The following IPCEF1 variants were observed in gnomAD, a reference collection of about 807,000 sequenced individuals.
IPCEF1 encodes interaction protein for cytohesin exchange factors 1, also known as interactor protein for cytohesin exchange factors 1.
A neutral mutation model predicts 50.9 loss-of-function variants in IPCEF1; 31 were observed. That is an observed-to-expected ratio of 0.61 (90% CI 0.46 to 0.82). The LOEUF (loss-of-function observed/expected upper bound fraction) is 0.82, where lower values mean the gene tolerates loss of function less well. Among genes scored for constraint, IPCEF1 ranks in the 40% least tolerant of loss-of-function variants. IPCEF1 has a pLI of 0.00. For synonymous variants in IPCEF1, 181 were observed against 192.0 expected (o/e 0.94, Z 0.47); for missense variants, 458 against 514.0 (o/e 0.89, Z 1.05).
chr6:154,342,095 G>A (rs998642053), intron 1 of IPCEF1, among the ~76,000 whole-genome samples: 3 of 152,072 alleles, frequency 2.0e-5, no homozygotes, highest in African/African-American at 2.4e-5. Context: ...GGCGTCTCCC[G>A]AGACTGCTCC....
chr6:154,341,223 T>C (rs1185157026), intron 1 of IPCEF1, among the ~76,000 whole-genome samples: 1 of 152,234 alleles, frequency 6.6e-6, no homozygotes, highest in East Asian at 1.9e-4. Flanking sequence ...AGTTTCCAGC[T>C]TGAGTTTTCC....
chr6:154,196,312 C>A (rs768121858), intron 10 of IPCEF1, among the ~76,000 whole-genome samples: 1 of 152,168 alleles, frequency 6.6e-6, no homozygotes, highest in Admixed American at 6.5e-5. Context: ...AGATTGTGTA[C>A]AATTTTGTTA....
At chr6:154,302,694 C>T (rs1367904512) in intron 1 of IPCEF1, among the ~76,000 whole-genome samples, 1 of 152,030 alleles carries the variant, frequency 6.6e-6, no homozygotes, top group African/African-American at 2.4e-5. Context: ...AGGCTGGTCT[C>T]GAACTCCTGA....
chr6:154,192,327 TGTGTGTGTG>T (rs1801971357), intron 10 of IPCEF1, among the ~76,000 whole-genome samples: 3 of 142,328 alleles, frequency 2.1e-5, no homozygotes, highest in Admixed American at 2.0e-4. Context: ...ACTGTGTGTG[TGTGTGTGTG>T]TGTGTGTGTG....
At chr6:154,178,966 C>A (rs973967731) in intron 10 of IPCEF1, among the ~76,000 whole-genome samples, 5 of 152,174 alleles carry the variant, frequency 3.3e-5, no homozygotes, top group Admixed American at 2.6e-4. Flanking sequence ...CCCTTATTGG[C>A]TGTTTTGTGT....
intron 1 of IPCEF1, among the ~76,000 whole-genome samples, chr6:154,318,201 G>T (rs1562286838): frequency 6.6e-6 from 1 of 152,096 alleles, no homozygotes; most frequent in South Asian, 2.1e-4. Context: ...AGGGTGGGGG[G>T]ATTGACCTTA....
intron 1 of IPCEF1, among the ~76,000 whole-genome samples, chr6:154,346,570 C>T (rs1220416247): frequency 2.6e-5 from 4 of 152,144 alleles, no homozygotes; most frequent in East Asian, 3.9e-4. Context: ...ACCTGAGACT[C>T]GGTAATTTAT....
chr6:154,334,725 G>A (rs1413363798), intron 1 of IPCEF1, among the ~76,000 whole-genome samples: 5 of 152,222 alleles, frequency 3.3e-5, no homozygotes, highest in South Asian at 4.1e-4. Context: ...GAATGGCCTT[G>A]GACAGGCCAC....
Position 154,281,353 on chromosome 6 carries a change from GA to G in IPCEF1, c.-18+8359del, listed in dbSNP as rs1302045290. Among the ~76,000 whole-genome samples the G allele has an allele frequency of 8.4e-3, 1,212 of 144,582 alleles. 20 individuals are homozygous for G. The highest frequency in any genetic ancestry group is 0.029 in the African/African-American group (1,126 of 39,426). The allele number at this position is 144,582 out of a possible 152,430, so 94.9% of individuals were successfully genotyped here. ...GGGTAACAGAGCAAGACCTCATCTC[GA>G]AAAAAAAAAAAATTTTTTTTAAAGT... On this transcript the variant is annotated intron_variant, in intron 2 of 11. Transcript: ENST00000367220.
intron 10 of IPCEF1, among the ~76,000 whole-genome samples, chr6:154,184,894 C>T (rs1311799635): frequency 6.6e-6 from 1 of 151,152 alleles, no homozygotes; most frequent in African/African-American, 2.4e-5. Context: ...CTCTTGCCTA[C>T]CCCTTTCAGA....
At chr6:154,331,219 G>A (rs1480597657) in intron 1 of IPCEF1, among the ~76,000 whole-genome samples, 4 of 151,592 alleles carry the variant, frequency 2.6e-5, no homozygotes, top group Non-Finnish European at 4.4e-5. Context: ...GTAAGCTGAG[G>A]GTCACACTGC....
At chr6:154,208,240 C>T (rs750815725) in intron 9 of IPCEF1, among the ~76,000 whole-genome samples, 9 of 152,138 alleles carry the variant, frequency 5.9e-5, no homozygotes, top group African/African-American at 1.2e-4. Flanking sequence ...GTTCACCCCG[C>T]GTCAGCCACA....
intron 5 of IPCEF1, among the ~76,000 whole-genome samples, chr6:154,237,908 A>G (rs1245446664): frequency 6.6e-6 from 1 of 152,194 alleles, no homozygotes; most frequent in African/African-American, 2.4e-5. Context: ...TATCAATTCA[A>G]TATATATCAA....
At chr6:154,350,840 C>G (rs915298017) in intron 1 of IPCEF1, among the ~76,000 whole-genome samples, 2 of 152,162 alleles carry the variant, frequency 1.3e-5, no homozygotes, top group Non-Finnish European at 1.5e-5. Flanking sequence ...TCTGCCTCAG[C>G]CTCCTGAGTA....
At chr6:154,342,048 C>A (rs1783929493) in intron 1 of IPCEF1, among the ~76,000 whole-genome samples, 1 of 152,148 alleles carries the variant, frequency 6.6e-6, no homozygotes, top group Non-Finnish European at 1.5e-5. Flanking sequence ...TACTGGCATG[C>A]ATTACCCAGA....
intron 1 of IPCEF1, among the ~76,000 whole-genome samples, chr6:154,309,926 G>A (rs926638367): frequency 1.3e-5 from 2 of 151,986 alleles, no homozygotes; most frequent in Non-Finnish European, 2.9e-5. Flanking sequence ...ACCACGCCTG[G>A]CTAATTTTTG....
At chr6:154,320,312 T>A (rs1191304265) in intron 1 of IPCEF1, among the ~76,000 whole-genome samples, 4 of 152,214 alleles carry the variant, frequency 2.6e-5, no homozygotes, top group Non-Finnish European at 4.4e-5. Context: ...AAACCTTGCC[T>A]TTTTCTTTTC....
intron 1 of IPCEF1, among the ~76,000 whole-genome samples, chr6:154,351,950 G>C (rs1005006387): frequency 6.6e-6 from 1 of 152,202 alleles, no homozygotes; most frequent in African/African-American, 2.4e-5. Flanking sequence ...CATGGACATA[G>C]GGAGCGGAAA....
chr6:154,344,335 C>A (rs188087554), intron 1 of IPCEF1, among the ~76,000 whole-genome samples: 1 of 152,308 alleles, frequency 6.6e-6, no homozygotes, highest in Admixed American at 6.5e-5. Context: ...CTTCACTGTC[C>A]TTTCATGTCC....
Sources: allele counts gnomAD v4.1 joint callset (sites outside exome capture counted in the v4.1 genomes callset), GRCh38; gene constraint gnomAD v4.1.1; transcripts MANE v1.5; gene names NCBI Gene and HGNC (gene_info 2026-07-23, HGNC 2026-07-21).